The following SASH3 variants were observed in gnomAD, a reference collection of about 807,000 sequenced individuals.
The protein encoded by SASH3 is SAM and SH3 domain-containing protein 3.
In SASH3, 7 loss-of-function variants were observed where a neutral mutation model predicts 26.1. That is an observed-to-expected ratio of 0.27 (90% CI 0.15 to 0.50). The LOEUF is 0.50. Among genes scored for constraint, SASH3 ranks in the 20% least tolerant of loss-of-function variants. The probability of loss-of-function intolerance (pLI) is 0.98; values close to 1 mark genes in which losing one functional copy is unlikely to be tolerated. For missense variants in SASH3, 231 were observed against 318.3 expected, an observed-to-expected ratio of 0.73 and a Z score of 2.09; for synonymous variants, 138 against 136.8, an observed-to-expected ratio of 1.01 and a Z score of -0.06.
chrX:129,791,142 T>C, intron 4 of SASH3, 61 bp downstream of exon 4: 1 of 1,129,857 alleles, frequency 8.9e-7, no homozygotes, highest in Non-Finnish European at 1.2e-6. Flanking sequence ...GTTACAGCCG[T>C]GCTGGTGGCA....
rs1164381774 is a variant in SASH3, at chrX:129,790,980, C to T, written c.341C>T (p.Pro114Leu). Reference sequence around the variant, plus strand: ...GAGGGCTCTGCCTCCCCGACATCTCCAGACTACAGCCTGGACAGCCCTGGC... The same window carrying T: ...GAGGGCTCTGCCTCCCCGACATCTCTAGACTACAGCCTGGACAGCCCTGGC... ...LEEGSASPTS[P>L]DYSLDSPGPE... Residue 114 changes from proline to leucine, a missense_variant, in exon 4 of 8, where the codon CCA becomes CTA. Coordinates refer to ENST00000356892, the MANE Select transcript of SASH3 (RefSeq NM_018990.4). 7 of 1,211,771 alleles carry T rather than the reference C, an allele frequency of 5.8e-6. No homozygotes were observed. The highest frequency in any genetic ancestry group is 7.8e-6 in the Non-Finnish European group (7 of 895,377).
chrX:129,788,137 G>GGGGGGGGGGGGGGCCCGGC, intron 2 of SASH3, 67 bp downstream of exon 2: 1 of 354,276 alleles, frequency 2.8e-6, no homozygotes, highest in Non-Finnish European at 5.4e-6. Context: ...GGGTGGGAGG[G>GGGGGGGGGGGGGGCCCGGC]AAGAGGGTGA....
In SASH3 at chrX:129,793,079, A is replaced by G. The variant is rs1927261212; in HGVS notation, c.892A>G (p.Met298Val). ...RETHLNELNI[M>V]DPQHRAKLLT... ...AACACACCTCAATGAGCTGAACATC[A>G]TGGATCCACAGCACCGGGCCAAGCT... Residue 298 changes from methionine to valine, a missense_variant, in exon 7 of 8, where the codon ATG (methionine) becomes GTG (valine). By Grantham distance (21) the Met-to-Val change is conservative. Coordinates refer to ENST00000356892, the MANE Select transcript of SASH3 (RefSeq NM_018990.4). 2 of 1,211,368 alleles carry G rather than the reference A, an allele frequency of 1.7e-6. No homozygotes were observed. Among genetic ancestry groups the G allele is most frequent in the Non-Finnish European group, 2.2e-6 (2 of 895,338 alleles).
At chrX:129,787,019 C>A (rs1332660039) in intron 1 of SASH3, among the ~76,000 whole-genome samples, 1 of 102,135 alleles carries the variant, frequency 9.8e-6, no homozygotes, top group Non-Finnish European at 2.0e-5. Flanking sequence ...AAGGCAAGCT[C>A]AGCCGGGCAT....
chrX:129,790,783 G>C (rs911199684), intron 3 of SASH3, among the ~76,000 whole-genome samples, 157 bp from the exon 4 acceptor site: 1 of 111,483 alleles, frequency 9.0e-6, no homozygotes, highest in African/African-American at 3.3e-5. Flanking sequence ...TACAAAAGGG[G>C]AAGAAACTAG....
rs988357707 is a variant in SASH3, at chrX:129,793,996, C to G, written c.*164C>G. 9 of 496,047 alleles carry G rather than the reference C, an allele frequency of 1.8e-5. No individual in the cohort carries two copies. Among genetic ancestry groups the G allele is most frequent in the Non-Finnish European group, 2.9e-5 (9 of 307,481 alleles). 40.9% of individuals were successfully genotyped at this position (496,047 alleles called of 1,213,427 possible). A position where few individuals can be genotyped will look rare whatever the true frequency, so the allele number is the denominator to read the frequency against. ...AGGCCAGGCCAGGGCCCTACAGGTT[C>G]CAGGCTCAGCTGGAGTGGTTGGGGA... On this transcript the variant is annotated 3_prime_UTR_variant, in exon 8 of 8. Coordinates refer to ENST00000356892, the MANE Select transcript of SASH3 (RefSeq NM_018990.4).
In SASH3 at chrX:129,794,201, C is replaced by T. The variant is rs1927290840; in HGVS notation, c.*369C>T. 2 of 233,044 alleles carry T rather than the reference C, an allele frequency of 8.6e-6. No homozygotes were observed. The highest frequency in any genetic ancestry group is 7.2e-5 in the East Asian group (1 of 13,909). The allele number at this position is 233,044 out of a possible 1,213,427, so 19.2% of individuals were successfully genotyped here. On this transcript the variant is annotated 3_prime_UTR_variant, in exon 8 of 8. Transcript: ENST00000356892. ...CTCCAAATCCTCCTCACCCCCACAC[C>T]ACCTACCCCTGTCGCACTGCTCCTG... is the stretch of plus-strand genomic sequence containing the variant.
rs370872205 is a variant in SASH3 at position 129,792,770 on chromosome X, A to T, written c.735A>T (p.Arg245=). 1.0e-5 allele frequency: 12 copies of T among 1,205,422 alleles called. No homozygotes were observed. The highest frequency in any genetic ancestry group is 1.3e-5 in the Non-Finnish European group (12 of 894,172). ...EAVGHARPSR[R]QSKGKRPKPK... is the part of the protein sequence containing the mutation. ...TGGGGCATGCCCGCCCCAGCCGCCGACAGAGCAAGGGCAAGAGGCCCAAGC... is the reference window on the plus strand; with the variant it reads ...TGGGGCATGCCCGCCCCAGCCGCCGTCAGAGCAAGGGCAAGAGGCCCAAGC... The change falls in exon 6 of 8, where the codon CGA becomes CGT. Residue 245 remains arginine, a synonymous_variant. Coordinates refer to ENST00000356892, the MANE Select transcript of SASH3 (RefSeq NM_018990.4).
Position 129,793,714 on chromosome X carries a change from A to G in SASH3, c.1025A>G (p.Lys342Arg). The part of the protein sequence containing the change: ...EPVAHTVSEP[K>R]VDIPRDSGCF... ...GTGGCACACACAGTGTCGGAACCCAAGGTGGACATCCCGCGCGACTCAGGC... is the reference window on the plus strand; with the variant it reads ...GTGGCACACACAGTGTCGGAACCCAGGGTGGACATCCCGCGCGACTCAGGC... Residue 342 changes from lysine to arginine, a missense_variant, in exon 8 of 8, where the codon AAG (lysine) becomes AGG (arginine). By Grantham distance (26) the Lys-to-Arg change is conservative (BLOSUM62 2). Coordinates refer to ENST00000356892, the MANE Select transcript of SASH3 (RefSeq NM_018990.4). 5.8e-6 allele frequency: 7 copies of G among 1,212,107 alleles called. No individual in the cohort carries two copies. Among genetic ancestry groups the G allele is most frequent in the African/African-American group, 1.7e-5 (1 of 57,959 alleles).
chrX:129,791,182 A>G, intron 4 of SASH3, 101 bp downstream of exon 4: 1 of 864,247 alleles, frequency 1.2e-6, no homozygotes, highest in Non-Finnish European at 1.6e-6. Flanking sequence ...AAGAGAAATG[A>G]ATGCTTACTC....
At position 129,784,192 on chromosome X, in the gene SASH3, A is replaced by G. The variant is rs764098502; in HGVS notation, c.58-3783A>G. Among the ~76,000 whole-genome samples, 59 of 110,870 alleles carry G rather than the reference A, an allele frequency of 5.3e-4. 1 individual carries two copies. The highest frequency in any genetic ancestry group is 2.5e-4 in the Non-Finnish European group (13 of 52,940). On this transcript the variant is annotated intron_variant, in intron 1 of 7. Transcript: ENST00000356892. ...ACAGGGGGAACCATATCGTGTATAT[A>G]TACTCTTTGGTGGCCAGCCCCTTTA...
At chrX:129,792,250 C>T (rs866499997) in intron 4 of SASH3, 78 bp from the exon 5 acceptor site, 1 of 1,100,418 alleles carries the variant, frequency 9.1e-7, no homozygotes, top group Non-Finnish European at 1.2e-6. Flanking sequence ...AGGCAGGTCC[C>T]CTGGAAGGCA....
chrX:129,791,503 G>T (rs1051383768), intron 4 of SASH3, among the ~76,000 whole-genome samples: 4 of 112,188 alleles, frequency 3.6e-5, no homozygotes, highest in Non-Finnish European at 7.5e-5. Flanking sequence ...CCAGTCGGGG[G>T]TGGGCGTATG....
intron 4 of SASH3, among the ~76,000 whole-genome samples, 159 bp downstream of exon 4, chrX:129,791,240 A>C (rs1204483409): frequency 2.7e-5 from 3 of 112,171 alleles, no homozygotes; most frequent in Non-Finnish European, 5.6e-5. Context: ...AAATCTTCTC[A>C]ACAACCTCAT....
At position 129,786,767 on chromosome X, in the gene SASH3, C is replaced by A. The variant is rs1440491306; in HGVS notation, c.58-1208C>A. Among the ~76,000 whole-genome samples, 2 of 109,456 alleles carry A rather than the reference C, an allele frequency of 1.8e-5. 1 individual carries two copies. Among genetic ancestry groups the A allele is most frequent in the Middle Eastern group, 8.7e-3 (2 of 229 alleles). On this transcript the variant is annotated intron_variant, in intron 1 of 7. Transcript: ENST00000356892. The stretch of plus-strand genomic sequence containing the variant: ...ATCCCAGCACTTTGGGAGGCTGAGG[C>A]GGCAGATCGCGAGGTCAGGAGATCA...
At chrX:129,782,113 C>G in intron 1 of SASH3, among the ~76,000 whole-genome samples, 1 of 112,521 alleles carries the variant, frequency 8.9e-6, no homozygotes, top group East Asian at 2.8e-4. Context: ...GAAAGCTGAG[C>G]TGGAATCCTA....
intron 1 of SASH3, 123 bp downstream of exon 1, chrX:129,780,277 C>A: frequency 1.7e-6 from 1 of 596,449 alleles, no homozygotes; most frequent in Non-Finnish European, 2.7e-6. Flanking sequence ...GAGGGCCACT[C>A]ACCTAGAAGG....
intron 3 of SASH3, 103 bp from the exon 4 acceptor site, chrX:129,790,837 T>G (rs973215344): frequency 2.3e-5 from 22 of 947,165 alleles, no homozygotes; most frequent in Non-Finnish European, 3.0e-5. Context: ...AGAGTTGGGG[T>G]TTGAGCCAGC....
Position 129,790,392 on chromosome X carries a change from TG to T in SASH3, c.301-546del, listed in dbSNP as rs201430003. Among the ~76,000 whole-genome samples, 379 of 110,005 alleles carry T rather than the reference TG, an allele frequency of 3.4e-3. 2 individuals carry two copies. The highest frequency in any genetic ancestry group is 0.012 in the African/African-American group (362 of 30,277). On this transcript the variant is annotated intron_variant, in intron 3 of 7. Transcript: ENST00000356892. ...GTGAGGTAGGGGGAGCTCTGGAGTCTGGCTTGGTTGTGGGTTGCCTTGGGAC... is the reference window on the plus strand; with the variant it reads ...GTGAGGTAGGGGGAGCTCTGGAGTCTGCTTGGTTGTGGGTTGCCTTGGGAC...
Sources: allele counts gnomAD v4.1 joint callset (sites outside exome capture counted in the v4.1 genomes callset), GRCh38; gene constraint gnomAD v4.1.1; transcripts MANE v1.5; gene names NCBI Gene and HGNC (gene_info 2026-07-23, HGNC 2026-07-21).